Variants in TAS2R1 observed in about 807,000 individuals in gnomAD.
TAS2R1 encodes taste receptor type 2 member 1.
For missense variants in TAS2R1, 370 were observed against 353.4 expected (o/e 1.05, Z -0.38); for synonymous variants, 141 against 134.2 (o/e 1.05, Z -0.35).
chr5:9,796,439 T>A, the TAS2R1 span, among the ~76,000 whole-genome samples: 1 of 152,104 alleles, frequency 6.6e-6, no homozygotes, highest in Non-Finnish European at 1.5e-5. Context: ...AGCAAGGGTC[T>A]CAAATAGGAC....
At chr5:9,879,801 C>A in the TAS2R1 span, among the ~76,000 whole-genome samples, 5 of 152,174 alleles carry the variant, frequency 3.3e-5, no homozygotes, top group African/African-American at 1.2e-4. Context: ...ATGTCTACAG[C>A]TTTCCCCCAG....
the TAS2R1 span, among the ~76,000 whole-genome samples, chr5:9,856,389 G>A: frequency 5.7e-3 from 860 of 150,744 alleles, 4 homozygotes; most frequent in African/African-American, 0.017. Context: ...AGCAAGGGGA[G>A]AAAAAAAAAG....
chr5:9,759,328 C>T, the TAS2R1 span, among the ~76,000 whole-genome samples: 16 of 152,256 alleles, frequency 1.1e-4, no homozygotes, highest in East Asian at 2.9e-3. Flanking sequence ...GCATCTCATT[C>T]ATAAAATGTA....
At chr5:9,861,128 T>C in the TAS2R1 span, among the ~76,000 whole-genome samples, 1 of 146,238 alleles carries the variant, frequency 6.8e-6, no homozygotes, top group Non-Finnish European at 1.5e-5. Context: ...AAATAGATTT[T>C]ACATTTTTAA....
chr5:9,704,774 T>C (rs1472513391), intron 1 of TAS2R1, among the ~76,000 whole-genome samples: 1 of 152,176 alleles, frequency 6.6e-6, no homozygotes. Context: ...CACTCAAGGA[T>C]GATAAGAGAG....
At chr5:9,758,406 T>C in the TAS2R1 span, among the ~76,000 whole-genome samples, 2 of 152,156 alleles carry the variant, frequency 1.3e-5, no homozygotes, top group Non-Finnish European at 2.9e-5. Context: ...AAAATAAACA[T>C]AGACACATAC....
chr5:9,755,051 G>T, the TAS2R1 span, among the ~76,000 whole-genome samples: 1 of 152,078 alleles, frequency 6.6e-6, no homozygotes, highest in African/African-American at 2.4e-5. Flanking sequence ...TTTTTGATAA[G>T]ACAAGGGATT....
At chr5:9,751,476 A>T in the TAS2R1 span, among the ~76,000 whole-genome samples, 1 of 152,172 alleles carries the variant, frequency 6.6e-6, no homozygotes, top group Admixed American at 6.5e-5. Flanking sequence ...AGGTATGTAA[A>T]TCTGAATCTG....
the TAS2R1 span, among the ~76,000 whole-genome samples, chr5:9,735,324 T>C: frequency 6.6e-6 from 1 of 151,622 alleles, no homozygotes; most frequent in South Asian, 2.1e-4. Flanking sequence ...TAATGCTTGT[T>C]TGAGAATCTA....
At chr5:9,850,873 T>G in the TAS2R1 span, among the ~76,000 whole-genome samples, 1 of 152,204 alleles carries the variant, frequency 6.6e-6, no homozygotes, top group Non-Finnish European at 1.5e-5. Flanking sequence ...GCCTTCATAT[T>G]CTAATTTTGG....
chr5:9,812,807 C>T, the TAS2R1 span, among the ~76,000 whole-genome samples: 1 of 152,198 alleles, frequency 6.6e-6, no homozygotes, highest in African/African-American at 2.4e-5. Context: ...TGGACAGTCA[C>T]TGGGTGGCAG....
At chr5:9,817,254 G>A in the TAS2R1 span, among the ~76,000 whole-genome samples, 49 of 152,254 alleles carry the variant, frequency 3.2e-4, no homozygotes, top group East Asian at 5.0e-3. Flanking sequence ...GAAAACAGCC[G>A]TTGTGTCATA....
chr5:9,763,772 C>T, the TAS2R1 span, among the ~76,000 whole-genome samples: 10 of 152,106 alleles, frequency 6.6e-5, no homozygotes, highest in Non-Finnish European at 8.8e-5. Flanking sequence ...ACATCAAAAC[C>T]CCGGGATGGG....
At chr5:9,713,249 A>G (rs1335263402), upstream of TAS2R1, 1 of 152,214 alleles carries the variant, frequency 6.6e-6, no homozygotes, top group Non-Finnish European at 1.5e-5. Context: ...TAAACGGATG[A>G]ATCCCAACGT....
chr5:9,759,297 A>G, the TAS2R1 span, among the ~76,000 whole-genome samples: 2 of 152,172 alleles, frequency 1.3e-5, no homozygotes, highest in Non-Finnish European at 2.9e-5. Context: ...CCAACTTTGC[A>G]CTCAACACTC....
the TAS2R1 span, among the ~76,000 whole-genome samples, chr5:9,858,217 G>A: frequency 6.6e-6 from 1 of 152,124 alleles, no homozygotes; most frequent in Admixed American, 6.5e-5. Context: ...CTGGAGCCTG[G>A]GGCTGCAGGA....
the TAS2R1 span, among the ~76,000 whole-genome samples, chr5:9,796,721 GAAAAAAA>G: frequency 4.0e-5 from 4 of 99,786 alleles, no homozygotes; most frequent in Non-Finnish European, 6.9e-5. Flanking sequence ...CTATTTTCTG[GAAAAAAA>G]AAAAAAAAAA....
At chr5:9,660,683 G>A (rs1188326372) in intron 1 of TAS2R1, among the ~76,000 whole-genome samples, 3 of 152,184 alleles carry the variant, frequency 2.0e-5, no homozygotes, top group African/African-American at 7.2e-5. Context: ...AAGGGACTTT[G>A]CAGATATGAT....
the TAS2R1 span, among the ~76,000 whole-genome samples, chr5:9,837,603 C>A: frequency 6.6e-6 from 1 of 152,166 alleles, no homozygotes; most frequent in Non-Finnish European, 1.5e-5. Flanking sequence ...GGGCCTGGCT[C>A]CTCCCAACCT....
Sources: gnomAD v4.1 joint callset for allele counts (sites outside exome capture counted in the v4.1 genomes callset) on GRCh38, gnomAD v4.1.1 for gene constraint, MANE v1.5 for transcripts, NCBI Gene and HGNC (gene_info 2026-07-23, HGNC 2026-07-21) for gene names.